The following HADHA variants were observed in gnomAD, a reference collection of about 807,000 sequenced individuals.
The protein encoded by HADHA is trifunctional enzyme subunit alpha, mitochondrial.
Under a neutral mutation model 91.3 loss-of-function variants are expected in HADHA, and 59 were observed. That is an observed-to-expected ratio of 0.65 (90% CI 0.52 to 0.80). The LOEUF is 0.80. Among genes scored for constraint, HADHA ranks in the 30% least tolerant of loss-of-function variants. The pLI, the probability that HADHA is intolerant of heterozygous loss-of-function variation, is 0.00. For missense variants in HADHA, 800 were observed against 927.6 expected, an observed-to-expected ratio of 0.86 and a Z score of 1.79; for synonymous variants, 320 against 338.9, an observed-to-expected ratio of 0.94 and a Z score of 0.61.
Position 26,214,488 on chromosome 2 carries a change from T to C in HADHA, c.873A>G (p.Arg291=). 6.2e-7 allele frequency: 1 copy of C among 1,605,748 alleles called. No homozygotes were observed. The change falls in exon 9 of 20, where the codon CGA becomes CGG. Residue 291 remains arginine (R), a synonymous_variant. Coordinates refer to ENST00000380649, the MANE Select transcript of HADHA (RefSeq NM_000182.5). The surrounding 1 kb of genome is among the most constrained non-coding windows in gnomAD (Gnocchi z 4.1). ...QVYKKVEEKV[R]KQTKGLYPAP... ...CAGGATAAAGGCCTTTAGTCTGCTTTCGCACTTTTTCTTCCACTTTTTTGT... is the reference window on the plus strand; with the variant it reads ...CAGGATAAAGGCCTTTAGTCTGCTTCCGCACTTTTTCTTCCACTTTTTTGT...
Position 26,210,132 on chromosome 2 carries a change from A to G in HADHA, c.976-243T>C, listed in dbSNP as rs943100182. 5.9e-5 allele frequency among the ~76,000 whole-genome samples: 9 copies of G among 152,270 alleles called. No homozygotes were observed. Among genetic ancestry groups the G allele is most frequent in the Middle Eastern group, 3.4e-3 (1 of 294 alleles). On this transcript the variant is annotated intron_variant, in intron 10 of 19. Coordinates refer to ENST00000380649, the MANE Select transcript of HADHA (RefSeq NM_000182.5). The surrounding 1 kb of genome is among the most constrained non-coding windows in gnomAD (Gnocchi z 4.0). ...GTTGAAGAAAGTTTTGGATATAACT[A>G]AGCTCTCAGATTCTTTACACCAGAG... is the stretch of plus-strand genomic sequence containing the variant.
At chr2:26,224,982 A>T (rs886284640) in intron 7 of HADHA, among the ~76,000 whole-genome samples, 1 of 152,236 alleles carries the variant, frequency 6.6e-6, no homozygotes, top group African/African-American at 2.4e-5. Context: ...AAATTTGGCA[A>T]ATTGTTAATA....
At chr2:26,223,402 T>A (rs1055889997) in intron 7 of HADHA, among the ~76,000 whole-genome samples, 1 of 152,234 alleles carries the variant, frequency 6.6e-6, no homozygotes, top group East Asian at 1.9e-4. Flanking sequence ...CACATGGGAC[T>A]GCTAGTGGCC....
At chr2:26,222,750 C>T (rs535533472) in intron 7 of HADHA, among the ~76,000 whole-genome samples, 12 of 152,130 alleles carry the variant, frequency 7.9e-5, no homozygotes, top group Non-Finnish European at 1.8e-4. Flanking sequence ...ATTCACTTCT[C>T]AGTAAGTGAA....
chr2:26,204,357 T>C (rs978761036), intron 11 of HADHA, among the ~76,000 whole-genome samples, 161 bp from the exon 12 acceptor site: 3 of 152,212 alleles, frequency 2.0e-5, no homozygotes, highest in Non-Finnish European at 4.4e-5. Context: ...TAATAAATGA[T>C]TGATCTTAAA....
chr2:26,218,317 G>A (rs1380236410), intron 7 of HADHA, among the ~76,000 whole-genome samples: 1 of 151,322 alleles, frequency 6.6e-6, no homozygotes, highest in Non-Finnish European at 1.5e-5. Flanking sequence ...AAAAGAGAGA[G>A]AAAAGAAACA....
rs1558315413 is a variant in HADHA, at chr2:26,195,083, G to GC, written c.1620+8dup. 1.2e-6 allele frequency: 2 copies of GC among 1,608,984 alleles called. No homozygotes were observed. The highest frequency in any genetic ancestry group is 1.7e-6 in the Non-Finnish European group (2 of 1,175,428). On this transcript the variant is annotated intron_variant, in intron 15 of 19. Transcript: ENST00000380649. ...AAAAACTCTGCAGCTCTGTTATACA[G>GC]CCCCTTACCTTAACCACAATGATGA...
intron 1 of HADHA, among the ~76,000 whole-genome samples, chr2:26,239,946 T>C (rs557936421): frequency 8.9e-4 from 136 of 152,316 alleles, no homozygotes; most frequent in African/African-American, 3.0e-3. Context: ...GCCAGCCATC[T>C]CCTCAATCCC....
At position 26,195,152 on chromosome 2, in the gene HADHA, G is replaced by A; in HGVS notation, c.1560C>T (p.Asp520=). The change falls in exon 15 of 20, where the codon GAC becomes GAT. Residue 520 remains aspartate, a synonymous_variant. Coordinates refer to ENST00000380649, the MANE Select transcript of HADHA (RefSeq NM_000182.5). ...EIITTEKTSK[D]TSASAVAVGL... is the part of the protein sequence containing the mutation. Reference sequence around the variant, plus strand: ...CAACTGCTACAGCTGAAGCACTGGTGTCTTTGGAAGTTTTCTCGGTCGTGA... The same window carrying A: ...CAACTGCTACAGCTGAAGCACTGGTATCTTTGGAAGTTTTCTCGGTCGTGA... 1 of 1,612,106 alleles carries A rather than the reference G, an allele frequency of 6.2e-7. No individual in the cohort carries two copies. The highest frequency in any genetic ancestry group is 1.1e-5 in the South Asian group (1 of 91,022).
intron 14 of HADHA, among the ~76,000 whole-genome samples, chr2:26,196,205 C>T (rs559281262): frequency 5.9e-5 from 9 of 152,210 alleles, no homozygotes; most frequent in African/African-American, 1.7e-4. Context: ...CAGCATATGA[C>T]GGGGTGGGAT....
rs531552945 is a variant in HADHA at position 26,194,717 on chromosome 2, C to T, written c.1621-79G>A. 1.9e-5 allele frequency: 17 copies of T among 914,046 alleles called. 1 individual carries two copies. Among genetic ancestry groups the T allele is most frequent in the South Asian group, 1.9e-4 (14 of 75,558 alleles). The allele number at this position is 914,046 out of a possible 1,614,324, so 56.6% of individuals were successfully genotyped here. On this transcript the variant is annotated intron_variant, in intron 15 of 19. Coordinates refer to ENST00000380649, the MANE Select transcript of HADHA (RefSeq NM_000182.5). ...AAACACTCTACCTTTCCCAGGGTCACTTCAAAGTCATTTGAAAGTCACTGT... is the reference window on the plus strand; with the variant it reads ...AAACACTCTACCTTTCCCAGGGTCATTTCAAAGTCATTTGAAAGTCACTGT...
At chr2:26,231,517 A>G (rs1335471543) in intron 6 of HADHA, among the ~76,000 whole-genome samples, 1 of 152,240 alleles carries the variant, frequency 6.6e-6, no homozygotes, top group Non-Finnish European at 1.5e-5. Flanking sequence ...TATATTTGTA[A>G]TGAAATATTA....
In HADHA at chr2:26,191,002, C is replaced by CTAG. The variant is rs1669479392; in HGVS notation, c.*245_*247dup. Reference sequence around the variant, plus strand: ...CTTCAGATGGCTCTTGGCTGCCACTCTAGGCCTCGGGGCTTATACAATGAG... The same window carrying CTAG: ...CTTCAGATGGCTCTTGGCTGCCACTCTAGTAGGCCTCGGGGCTTATACAATGAG... On this transcript the variant is annotated 3_prime_UTR_variant, in exon 20 of 20. Coordinates refer to ENST00000380649, the MANE Select transcript of HADHA (RefSeq NM_000182.5). The CTAG allele has an allele frequency of 1.7e-6, 1 of 580,302 alleles. No individual in the cohort carries two copies. The highest frequency in any genetic ancestry group is 3.1e-6 in the Non-Finnish European group (1 of 323,748). The allele number at this position is 580,302 out of a possible 1,614,324, so 35.9% of individuals were successfully genotyped here.
chr2:26,217,125 G>A, intron 7 of HADHA, among the ~76,000 whole-genome samples: 1 of 152,064 alleles, frequency 6.6e-6, no homozygotes, highest in Non-Finnish European at 1.5e-5. Context: ...GGAGACTGAG[G>A]TGAGAGGATC....
At chr2:26,200,938 C>T (rs1414051879) in intron 13 of HADHA, among the ~76,000 whole-genome samples, 1 of 152,016 alleles carries the variant, frequency 6.6e-6, no homozygotes, top group Non-Finnish European at 1.5e-5. Context: ...TTCATCATAT[C>T]GGCCAGTCTG....
intron 7 of HADHA, among the ~76,000 whole-genome samples, chr2:26,218,312 A>G (rs1310711206): frequency 7.7e-6 from 1 of 130,252 alleles, no homozygotes. Flanking sequence ...AAAAAAAAAG[A>G]GAGAGAAAAG....
chr2:26,217,698 T>C (rs1446277570), intron 7 of HADHA, among the ~76,000 whole-genome samples: 4 of 152,060 alleles, frequency 2.6e-5, no homozygotes, highest in African/African-American at 9.7e-5. Context: ...CCCAGGGGTT[T>C]GAGACCAGTG....
chr2:26,191,219 G>C lies in HADHA; in HGVS notation c.*31C>G, dbSNP rs772715149. On this transcript the variant is annotated 3_prime_UTR_variant, in exon 20 of 20. Transcript: ENST00000380649. Reference sequence around the variant, plus strand: ...CCAGCACTGCCGGCAGCTGGGGTTAGTGCACTGACTGAGCGAGGCATGAGG... The same window carrying C: ...CCAGCACTGCCGGCAGCTGGGGTTACTGCACTGACTGAGCGAGGCATGAGG... 6 of 1,608,276 alleles carry C rather than the reference G, an allele frequency of 3.7e-6. No individual in the cohort carries two copies. Among genetic ancestry groups the C allele is most frequent in the Non-Finnish European group, 4.3e-6 (5 of 1,176,446 alleles).
At chr2:26,194,508 T>A in intron 16 of HADHA, 62 bp downstream of exon 16, 4 of 998,166 alleles carry the variant, frequency 4.0e-6, no homozygotes, top group Non-Finnish European at 6.5e-6. Flanking sequence ...CTTGACATCA[T>A]GAGTTTTAGA....
Sources: gnomAD v4.1 joint callset for allele counts (sites outside exome capture counted in the v4.1 genomes callset) on GRCh38, gnomAD v4.1.1 for gene constraint, Gnocchi (gnomAD v3.1) non-coding constraint, MANE v1.5 for transcripts, NCBI Gene and HGNC (gene_info 2026-07-23, HGNC 2026-07-21) for gene names.